SGCZ: variants seen among roughly 807,000 people sequenced by gnomAD.
SGCZ encodes sarcoglycan zeta.
A neutral mutation model predicts 41.3 loss-of-function variants in SGCZ; 40 were observed. That is an observed-to-expected ratio of 0.97 (90% CI 0.75 to 1.26). The LOEUF is 1.26. Ranked by LOEUF, SGCZ falls within the 50% of genes most tolerant of loss-of-function variation. SGCZ has a pLI of 0.00. For missense variants in SGCZ, 552 were observed against 369.8 expected (o/e 1.49, Z -4.04); for synonymous variants, 206 against 137.5 (o/e 1.50, Z -3.49).
chr8:14,818,528 T>C (rs1390049693), intron 1 of SGCZ, among the ~76,000 whole-genome samples: 1 of 151,750 alleles, frequency 6.6e-6, no homozygotes, highest in Non-Finnish European at 1.5e-5. Context: ...ACACGAAAAG[T>C]CAAGGAAACA....
intron 5 of SGCZ, among the ~76,000 whole-genome samples, chr8:14,138,745 G>C (rs1803278066): frequency 6.6e-6 from 1 of 152,166 alleles, no homozygotes; most frequent in Non-Finnish European, 1.5e-5. Context: ...AATAATGGGA[G>C]ATTTTAACAC....
intron 1 of SGCZ, among the ~76,000 whole-genome samples, chr8:14,787,906 T>C (rs1032833662): frequency 6.6e-6 from 1 of 152,200 alleles, no homozygotes; most frequent in East Asian, 1.9e-4. Context: ...AATGTTTCAG[T>C]ATCAAAGATA....
intron 2 of SGCZ, among the ~76,000 whole-genome samples, chr8:14,375,343 A>G (rs76453315): frequency 0.012 from 1,901 of 152,228 alleles, 40 homozygotes; most frequent in African/African-American, 0.041. Flanking sequence ...TTAACACACC[A>G]CTCTGAGTAT....
At chr8:14,602,505 T>G (rs1175448493) in intron 1 of SGCZ, among the ~76,000 whole-genome samples, 2 of 152,100 alleles carry the variant, frequency 1.3e-5, no homozygotes, top group East Asian at 1.9e-4. Context: ...GGCAACATAG[T>G]GAGATCCTCT....
chr8:14,197,541 G>A (rs1376041473), intron 4 of SGCZ, among the ~76,000 whole-genome samples: 1 of 151,704 alleles, frequency 6.6e-6, no homozygotes, highest in Admixed American at 6.6e-5. Context: ...AATTATGCCA[G>A]ATCAAATTAA....
intron 1 of SGCZ, among the ~76,000 whole-genome samples, chr8:14,913,065 T>A (rs1161503940): frequency 6.6e-6 from 1 of 151,990 alleles, no homozygotes; most frequent in Non-Finnish European, 1.5e-5. Flanking sequence ...ATATGCCCAA[T>A]GTGGTAGAAT....
intron 1 of SGCZ, among the ~76,000 whole-genome samples, chr8:14,824,029 G>GGA (rs1554506762): frequency 7.1e-4 from 107 of 150,358 alleles, no homozygotes; most frequent in African/African-American, 2.6e-3. Flanking sequence ...AATCTAAAGG[G>GGA]AAAAAAAAAG....
Position 15,099,149 on chromosome 8 carries a change from A to G in SGCZ, c.39+138436T>C, listed in dbSNP as rs185825283. On this transcript the variant is annotated intron_variant, in intron 1 of 7. Transcript: ENST00000382080. ...AATTGTTATTGTGTAGAGAAAACAC[A>G]TCTCAGAAACAATAGGTAAAGCCAA... 3.9e-3 allele frequency among the ~76,000 whole-genome samples: 588 copies of G among 152,358 alleles called. 2 individuals carry two copies. The highest frequency in any genetic ancestry group is 0.013 in the African/African-American group (539 of 41,576).
intron 1 of SGCZ, among the ~76,000 whole-genome samples, chr8:14,616,017 C>T (rs565194170): frequency 9.2e-5 from 14 of 152,260 alleles, no homozygotes; most frequent in African/African-American, 3.4e-4. Context: ...GGCGCAGTGG[C>T]TCAGGCCTGT....
At chr8:14,596,115 T>C (rs1805405279) in intron 1 of SGCZ, among the ~76,000 whole-genome samples, 1 of 152,184 alleles carries the variant, frequency 6.6e-6, no homozygotes, top group South Asian at 2.1e-4. Flanking sequence ...TTATCTCACT[T>C]AGTATCTGTC....
intron 1 of SGCZ, among the ~76,000 whole-genome samples, chr8:15,159,988 A>T (rs1228638762): frequency 6.6e-6 from 1 of 151,686 alleles, no homozygotes; most frequent in Non-Finnish European, 1.5e-5. Context: ...CAGCATCAAG[A>T]CCTGATTTTT....
intron 2 of SGCZ, among the ~76,000 whole-genome samples, chr8:14,417,114 TAG>T (rs1353859015): frequency 1.3e-5 from 2 of 151,754 alleles, no homozygotes; most frequent in African/African-American, 2.4e-5. Flanking sequence ...ACCTGTTTCT[TAG>T]CTGTAAGAGC....
At chr8:14,348,544 C>G (rs544330564) in intron 2 of SGCZ, among the ~76,000 whole-genome samples, 2 of 152,116 alleles carry the variant, frequency 1.3e-5, no homozygotes, top group Non-Finnish European at 2.9e-5. Flanking sequence ...TAAATTATAT[C>G]TTGTTCATCA....
intron 1 of SGCZ, among the ~76,000 whole-genome samples, chr8:15,160,648 A>G (rs1404975631): frequency 6.6e-6 from 1 of 152,160 alleles, no homozygotes; most frequent in African/African-American, 2.4e-5. Context: ...TCACATTAAA[A>G]CTATACATTA....
intron 2 of SGCZ, among the ~76,000 whole-genome samples, chr8:14,523,095 C>T (rs866042024): frequency 2.0e-4 from 30 of 152,010 alleles, no homozygotes; most frequent in African/African-American, 6.7e-4. Flanking sequence ...ATCCCCTTAC[C>T]TTTCCTTATT....
At chr8:14,791,194 T>G (rs1228391760) in intron 1 of SGCZ, among the ~76,000 whole-genome samples, 1 of 152,128 alleles carries the variant, frequency 6.6e-6, no homozygotes, top group Non-Finnish European at 1.5e-5. Context: ...AAATAATTAT[T>G]TTTCCAAAAT....
At chr8:14,328,019 A>T (rs1004943516) in intron 2 of SGCZ, among the ~76,000 whole-genome samples, 7 of 152,140 alleles carry the variant, frequency 4.6e-5, no homozygotes, top group South Asian at 2.1e-4. Flanking sequence ...CCGTGTTGTA[A>T]ATCTAATCGC....
chr8:14,452,103 A>C (rs962509002), intron 2 of SGCZ, among the ~76,000 whole-genome samples: 1 of 152,228 alleles, frequency 6.6e-6, no homozygotes, highest in Admixed American at 6.5e-5. Flanking sequence ...AGATGAGTGG[A>C]TACACAGGGA....
chr8:14,387,521 G>T (rs971969903), intron 2 of SGCZ, among the ~76,000 whole-genome samples: 15 of 151,880 alleles, frequency 9.9e-5, no homozygotes, highest in Admixed American at 9.8e-4. Flanking sequence ...GATCATTGCT[G>T]GTAATTTTAT....
Sources: allele counts gnomAD v4.1 joint callset (sites outside exome capture counted in the v4.1 genomes callset), GRCh38; gene constraint gnomAD v4.1.1; transcripts MANE v1.5; gene names NCBI Gene and HGNC (gene_info 2026-07-23, HGNC 2026-07-21).